The following TSPYL5 variants were observed in gnomAD, a reference collection of about 807,000 sequenced individuals.
The protein encoded by TSPYL5 is testis-specific Y-encoded-like protein 5.
For missense variants in TSPYL5, 556 were observed against 555.5 expected (o/e 1.00, Z -0.01); for synonymous variants, 276 against 236.1 (o/e 1.17, Z -1.55).
chr8:97,277,141 A>T lies in TSPYL5; in HGVS notation c.704T>A (p.Leu235Gln). ...RLSRKFGQLR[L>Q]QHLERRNHLI... ...GTGGTTCCTGCGCTCCAAGTGCTGC[A>T]GTCGCAACTGCCCAAACTTCCTGGA... is the stretch of plus-strand genomic sequence containing the variant. Residue 235 changes from leucine to glutamine, a missense_variant, in exon 1 of 1, where the codon CTG becomes CAG. By Grantham distance (113) the Leu-to-Gln change is moderately radical (BLOSUM62 -2). Transcript: ENST00000322128. This position sits in a 1 kb window ranked among gnomAD's most constrained non-coding sequence, Gnocchi z 4.5. The T allele has an allele frequency of 6.2e-7, 1 of 1,610,596 alleles. No homozygotes were observed. Among genetic ancestry groups the T allele is most frequent in the Non-Finnish European group, 8.5e-7 (1 of 1,180,002 alleles).
rs1275676667 is a variant in TSPYL5, at chr8:97,275,299, T to C, written c.*1292A>G. On this transcript the variant is annotated 3_prime_UTR_variant, in exon 1 of 1. Coordinates refer to ENST00000322128, the MANE Select transcript of TSPYL5 (RefSeq NM_033512.3). ...AAGTTCTCAGCTACCTCCCCAGCTGTATGTAGAAAAATGTGGTTTTTCAGT... is the reference window on the plus strand; with the variant it reads ...AAGTTCTCAGCTACCTCCCCAGCTGCATGTAGAAAAATGTGGTTTTTCAGT... The C allele has an allele frequency of 6.6e-6, 1 of 151,862 alleles. No homozygotes were observed. Among genetic ancestry groups the C allele is most frequent in the Non-Finnish European group, 1.5e-5 (1 of 68,032 alleles). The allele number at this position is 151,862 out of a possible 1,614,324, so 9.4% of individuals were successfully genotyped here.
At position 97,276,159 on chromosome 8, in the gene TSPYL5, C is replaced by A; in HGVS notation, c.*432G>T. The A allele has an allele frequency of 5.7e-6, 1 of 176,774 alleles. No individual in the cohort carries two copies. The highest frequency in any genetic ancestry group is 1.4e-4 in the South Asian group (1 of 6,920). The allele number at this position is 176,774 out of a possible 1,614,324, so 11.0% of individuals were successfully genotyped here. On this transcript the variant is annotated 3_prime_UTR_variant, in exon 1 of 1. Transcript: ENST00000322128. Reference sequence around the variant, plus strand: ...CTTCATTCTGCAGTGGCAATGGAAACGCTTGCATAGATGACATGCATGGCC... The same window carrying A: ...CTTCATTCTGCAGTGGCAATGGAAAAGCTTGCATAGATGACATGCATGGCC...
Position 97,277,217 on chromosome 8 carries a change from G to T in TSPYL5, c.628C>A (p.Leu210Met). The change falls in exon 1 of 1, where the codon CTG (leucine) becomes ATG (methionine). Residue 210 changes from leucine (L) to methionine (M), a missense_variant. By Grantham distance (15) the Leu-to-Met change is conservative. Transcript: ENST00000322128. The surrounding 1 kb of genome is among the most constrained non-coding windows in gnomAD (Gnocchi z 4.5). ...GSMDTLENVQ[L>M]KLENMNAQAD... ...TGGGCGTTCATGTTCTCCAGCTTCA[G>T]CTGCACGTTCTCCAGCGTATCCATG... is the stretch of plus-strand genomic sequence containing the variant. 1.2e-6 allele frequency: 2 copies of T among 1,613,576 alleles called. No homozygotes were observed. The highest frequency in any genetic ancestry group is 2.7e-5 in the African/African-American group (2 of 75,040).
In TSPYL5 at chr8:97,277,355, C is replaced by G. The variant is rs1394249087; in HGVS notation, c.490G>C (p.Ala164Pro). ...STAGRGPQVI[A>P]GGRQKKGAAG... ...GCCCCTTTCTTCTGCCTCCCACCAG[C>G]TATGACCTGAGGCCCCCTCCCCGCG... The change falls in exon 1 of 1, where the codon GCT (alanine) becomes CCT (proline). Residue 164 changes from alanine (A) to proline (P), a missense_variant. Transcript: ENST00000322128. The surrounding 1 kb of genome is among the most constrained non-coding windows in gnomAD (Gnocchi z 4.5). The G allele has an allele frequency of 6.2e-7, 1 of 1,608,004 alleles. No individual in the cohort carries two copies. The highest frequency in any genetic ancestry group is 1.1e-5 in the South Asian group (1 of 89,938).
rs1431300202 is a variant in TSPYL5, at chr8:97,277,095, G to A, written c.750C>T (p.Gly250=). 6.2e-7 allele frequency: 1 copy of A among 1,612,416 alleles called. No individual in the cohort carries two copies. Among genetic ancestry groups the A allele is most frequent in the East Asian group, 2.2e-5 (1 of 44,886 alleles). ...GGTTCTGAAATGCTTGCCCCCAGAA[G>A]CCCGGGATATTTTGGATGAGGTGGT... ...RRNHLIQNIP[G]FWGQAFQNHP... is the part of the protein sequence containing the mutation. Residue 250 remains glycine, a synonymous_variant, in exon 1 of 1, where the codon GGC becomes GGT. Coordinates refer to ENST00000322128, the MANE Select transcript of TSPYL5 (RefSeq NM_033512.3). The surrounding 1 kb of genome is among the most constrained non-coding windows in gnomAD (Gnocchi z 4.5).
In TSPYL5 at chr8:97,276,802, C is replaced by T. The variant is rs762464901; in HGVS notation, c.1043G>A (p.Arg348His). The T allele has an allele frequency of 5.0e-6, 8 of 1,614,154 alleles. No individual in the cohort carries two copies. In the Admixed American group the frequency reaches 5.0e-5, roughly 10 times the overall value. ...GTTTGAAAACCACCCAAAGAAACTACGGTTGTTTTCTGGGTTTCCCTGGCT... is the reference window on the plus strand; with the variant it reads ...GTTTGAAAACCACCCAAAGAAACTATGGTTGTTTTCTGGGTTTCCCTGGCT... ...SLSQGNPENN[R>H]SFFGWFSNHS... Residue 348 changes from arginine (R) to histidine (H), a missense_variant, in exon 1 of 1, where the codon CGT becomes CAT. By Grantham distance (29) the Arg-to-His change is conservative (BLOSUM62 0). Coordinates refer to ENST00000322128, the MANE Select transcript of TSPYL5 (RefSeq NM_033512.3).
In TSPYL5 at chr8:97,275,108, G is replaced by A. The variant is rs754513098; in HGVS notation, c.*1483C>T. 6 of 152,148 alleles carry A rather than the reference G, an allele frequency of 3.9e-5. No individual in the cohort carries two copies. Among genetic ancestry groups the A allele is most frequent in the African/African-American group, 1.2e-4 (5 of 41,384 alleles). The allele number at this position is 152,148 out of a possible 1,614,324, so 9.4% of individuals were successfully genotyped here. On this transcript the variant is annotated 3_prime_UTR_variant, in exon 1 of 1. Coordinates refer to ENST00000322128, the MANE Select transcript of TSPYL5 (RefSeq NM_033512.3). Reference sequence around the variant, plus strand: ...AAGAGTAAACACTAGTCTATGACATGGCTGCCTTGGGGTTTATAACTCAAG... The same window carrying A: ...AAGAGTAAACACTAGTCTATGACATAGCTGCCTTGGGGTTTATAACTCAAG...
rs1165632203 is a variant in TSPYL5, at chr8:97,276,843, A to C, written c.1002T>G (p.His334Gln). 1.9e-5 allele frequency: 30 copies of C among 1,614,062 alleles called. No homozygotes were observed. The highest frequency in any genetic ancestry group is 2.5e-5 in the Non-Finnish European group (30 of 1,180,044). ...TTCCCTGGCTTAGGGACTGGAGATC[A>C]TGCCCTGGGAGCCACTGGATTGGAG... Reference protein sequence around the residue: ...RSTPIQWLPGHDLQSLSQGNP... With the variant: ...RSTPIQWLPGQDLQSLSQGNP... Residue 334 changes from histidine (H) to glutamine (Q), a missense_variant, in exon 1 of 1, where the codon CAT becomes CAG. Coordinates refer to ENST00000322128, the MANE Select transcript of TSPYL5 (RefSeq NM_033512.3).
In TSPYL5 at chr8:97,274,240, C is replaced by T. The variant is rs1003327047; in HGVS notation, c.*2351G>A. Reference sequence around the variant, plus strand: ...CAGAGCAAAAAAAAAAAAATAATAACAAAAAACAAAAAAGCAGACTTGCAC... The same window carrying T: ...CAGAGCAAAAAAAAAAAAATAATAATAAAAAACAAAAAAGCAGACTTGCAC... On this transcript the variant is annotated 3_prime_UTR_variant, in exon 1 of 1. Coordinates refer to ENST00000322128, the MANE Select transcript of TSPYL5 (RefSeq NM_033512.3). The T allele has an allele frequency of 6.7e-6, 1 of 149,998 alleles. No individual in the cohort carries two copies. The highest frequency in any genetic ancestry group is 2.1e-4 in the South Asian group (1 of 4,760). 9.3% of individuals were successfully genotyped at this position (149,998 alleles called of 1,614,324 possible). A position where few individuals can be genotyped will look rare whatever the true frequency, so the allele number is the denominator to read the frequency against.
In TSPYL5 at chr8:97,277,453, C is replaced by T. The variant is rs1810544591; in HGVS notation, c.392G>A (p.Arg131Lys). 6.5e-7 allele frequency: 1 copy of T among 1,540,198 alleles called. No individual in the cohort carries two copies. The highest frequency in any genetic ancestry group is 8.7e-7 in the Non-Finnish European group (1 of 1,147,552). The stretch of plus-strand genomic sequence containing the variant: ...TCCAACGCGGGGGGCATTTTTCGGC[C>T]TTCCCACGGTTCCCGCTGTTCCCAC... ...VFVGTAGTVG[R>K]PKNAPRVGNR... The change falls in exon 1 of 1, where the codon AGG (arginine) becomes AAG (lysine). Residue 131 changes from arginine to lysine, a missense_variant. Coordinates refer to ENST00000322128, the MANE Select transcript of TSPYL5 (RefSeq NM_033512.3). The surrounding 1 kb of genome is among the most constrained non-coding windows in gnomAD (Gnocchi z 4.5).
chr8:97,277,131 C>G lies in TSPYL5; in HGVS notation c.714G>C (p.Leu238Phe). Residue 238 changes from leucine to phenylalanine, a missense_variant, in exon 1 of 1, where the codon TTG becomes TTC. Leu to Phe is a conservative substitution (Grantham distance 22, BLOSUM62 0). Coordinates refer to ENST00000322128, the MANE Select transcript of TSPYL5 (RefSeq NM_033512.3). This position sits in a 1 kb window ranked among gnomAD's most constrained non-coding sequence, Gnocchi z 4.5. The part of the protein sequence containing the change: ...RKFGQLRLQH[L>F]ERRNHLIQNI... ...TTTGGATGAGGTGGTTCCTGCGCTC[C>G]AAGTGCTGCAGTCGCAACTGCCCAA... 1.2e-6 allele frequency: 2 copies of G among 1,610,650 alleles called. No individual in the cohort carries two copies. Among genetic ancestry groups the G allele is most frequent in the Admixed American group, 1.7e-5 (1 of 60,034 alleles).
At position 97,277,240 on chromosome 8, in the gene TSPYL5, A is replaced by T; in HGVS notation, c.605T>A (p.Met202Lys). 1 of 1,613,878 alleles carries T rather than the reference A, an allele frequency of 6.2e-7. No homozygotes were observed. Among genetic ancestry groups the T allele is most frequent in the Non-Finnish European group, 8.5e-7 (1 of 1,180,002 alleles). ...GSGPPATEGS[M>K]DTLENVQLKL... ...CAGCTGCACGTTCTCCAGCGTATCC[A>T]TGCTGCCTTCCGTCGCTGGGGGCCC... Residue 202 changes from methionine (M) to lysine (K), a missense_variant, in exon 1 of 1, where the codon ATG (methionine) becomes AAG (lysine). Transcript: ENST00000322128. The surrounding 1 kb of genome is among the most constrained non-coding windows in gnomAD (Gnocchi z 4.5).
Position 97,274,235 on chromosome 8 carries a change from A to G in TSPYL5, c.*2356T>C, listed in dbSNP as rs1810475187. 1 of 126,046 alleles carries G rather than the reference A, an allele frequency of 7.9e-6. No individual in the cohort carries two copies. Among genetic ancestry groups the G allele is most frequent in the African/African-American group, 3.2e-5 (1 of 31,238 alleles). The allele number at this position is 126,046 out of a possible 1,614,324, so 7.8% of individuals were successfully genotyped here. A position where few individuals can be genotyped will look rare whatever the true frequency, so the allele number is the denominator to read the frequency against. On this transcript the variant is annotated 3_prime_UTR_variant, in exon 1 of 1. Coordinates refer to ENST00000322128, the MANE Select transcript of TSPYL5 (RefSeq NM_033512.3). The stretch of plus-strand genomic sequence containing the variant: ...TAACACAGAGCAAAAAAAAAAAAAT[A>G]ATAACAAAAAACAAAAAAGCAGACT...
rs1350622198 is a variant in TSPYL5 at position 97,276,536 on chromosome 8, T to C, written c.*55A>G. The C allele has an allele frequency of 1.3e-6, 2 of 1,565,782 alleles. No individual in the cohort carries two copies. The highest frequency in any genetic ancestry group is 1.4e-5 in the African/African-American group (1 of 73,222). ...CATGAAGAGAAGGCAGAGAGCCAAATATGTAGTCAACCAGGAGCAGCCCAG... is the reference window on the plus strand; with the variant it reads ...CATGAAGAGAAGGCAGAGAGCCAAACATGTAGTCAACCAGGAGCAGCCCAG... On this transcript the variant is annotated 3_prime_UTR_variant, in exon 1 of 1. Transcript: ENST00000322128.
chr8:97,273,979 T>A lies in TSPYL5; in HGVS notation c.*2612A>T, dbSNP rs558010432. The A allele has an allele frequency of 6.6e-6, 1 of 152,358 alleles. No homozygotes were observed. The highest frequency in any genetic ancestry group is 2.1e-4 in the South Asian group (1 of 4,832). The allele number at this position is 152,358 out of a possible 1,614,324, so 9.4% of individuals were successfully genotyped here. ...AAGCAAAAAGCAGACCTGATGTGAT[T>A]ATGATAGTGCACCCCATCACTATCA... On this transcript the variant is annotated 3_prime_UTR_variant, in exon 1 of 1. Coordinates refer to ENST00000322128, the MANE Select transcript of TSPYL5 (RefSeq NM_033512.3).
chr8:97,277,833 T>G lies in TSPYL5; in HGVS notation c.12A>C (p.Arg4=), dbSNP rs1382159025. MSG[R]SRGRKSSRAK... is the part of the protein sequence containing the mutation. ...CGCGGGAGGACTTTCGACCCCGACTTCGGCCGCTCATGGTGGCGGCGGAGG... is the reference window on the plus strand; with the variant it reads ...CGCGGGAGGACTTTCGACCCCGACTGCGGCCGCTCATGGTGGCGGCGGAGG... The change falls in exon 1 of 1, where the codon CGA becomes CGC. Residue 4 remains arginine, a synonymous_variant. Coordinates refer to ENST00000322128, the MANE Select transcript of TSPYL5 (RefSeq NM_033512.3). The surrounding 1 kb of genome is among the most constrained non-coding windows in gnomAD (Gnocchi z 4.5). 2 of 1,449,390 alleles carry G rather than the reference T, an allele frequency of 1.4e-6. No individual in the cohort carries two copies. The highest frequency in any genetic ancestry group is 1.8e-6 in the Non-Finnish European group (2 of 1,104,308). The allele number at this position is 1,449,390 out of a possible 1,614,324, so 89.8% of individuals were successfully genotyped here.
At position 97,275,249 on chromosome 8, in the gene TSPYL5, C is replaced by G. The variant is rs1250615674; in HGVS notation, c.*1342G>C. On this transcript the variant is annotated 3_prime_UTR_variant, in exon 1 of 1. Coordinates refer to ENST00000322128, the MANE Select transcript of TSPYL5 (RefSeq NM_033512.3). ...CCTTCTGGTTTCCTCAACTCTCTTTCAACCTAGTATGTGTGCGCAGTGCCA... is the reference window on the plus strand; with the variant it reads ...CCTTCTGGTTTCCTCAACTCTCTTTGAACCTAGTATGTGTGCGCAGTGCCA... 1.3e-5 allele frequency: 2 copies of G among 152,134 alleles called. No individual in the cohort carries two copies. Among genetic ancestry groups the G allele is most frequent in the African/African-American group, 4.8e-5 (2 of 41,422 alleles). The allele number at this position is 152,134 out of a possible 1,614,324, so 9.4% of individuals were successfully genotyped here. A position where few individuals can be genotyped will look rare whatever the true frequency, so the allele number is the denominator to read the frequency against.
Position 97,277,927 on chromosome 8 carries a change from C to G in TSPYL5, c.-83G>C, listed in dbSNP as rs774556254. On this transcript the variant is annotated 5_prime_UTR_variant, in exon 1 of 1. Transcript: ENST00000322128. The surrounding 1 kb of genome is among the most constrained non-coding windows in gnomAD (Gnocchi z 4.5). ...CTCTCGGTCGGGACCGAGCGGGTCT[C>G]TCCACGGCAACCGCCGACGTCACGA... The G allele has an allele frequency of 4.7e-6, 6 of 1,281,090 alleles. No homozygotes were observed. The highest frequency in any genetic ancestry group is 4.0e-6 in the Non-Finnish European group (4 of 1,010,712). The allele number at this position is 1,281,090 out of a possible 1,614,324, so 79.4% of individuals were successfully genotyped here.
Position 97,277,652 on chromosome 8 carries a change from C to A in TSPYL5, c.193G>T (p.Ala65Ser). Residue 65 changes from alanine (A) to serine (S), a missense_variant, in exon 1 of 1, where the codon GCT becomes TCT. Physicochemically the swap from Ala to Ser is moderately conservative, Grantham distance 99. Coordinates refer to ENST00000322128, the MANE Select transcript of TSPYL5 (RefSeq NM_033512.3). This position sits in a 1 kb window ranked among gnomAD's most constrained non-coding sequence, Gnocchi z 4.5. ...AGCCGGAGGAGCTGCGCGGACGCAG[C>A]GGCTTCCAGGCCACCCCACCCCGCG... ...AGAGWGGLEA[A>S]ASAQLLRLGE... 1.4e-6 allele frequency: 2 copies of A among 1,467,042 alleles called. No homozygotes were observed. The highest frequency in any genetic ancestry group is 1.8e-6 in the Non-Finnish European group (2 of 1,113,548). 90.9% of individuals were successfully genotyped at this position (1,467,042 alleles called of 1,614,324 possible).
Sources: allele counts gnomAD v4.1 joint callset, GRCh38; gene constraint gnomAD v4.1.1; non-coding constraint Gnocchi (gnomAD v3.1); transcripts MANE v1.5; gene names NCBI Gene and HGNC (gene_info 2026-07-23, HGNC 2026-07-21).